CP: variants seen among roughly 807,000 people sequenced by gnomAD.
CP encodes the protein caeruloplasmin.
Under a neutral mutation model 122.4 loss-of-function variants are expected in CP, and 64 were observed. That is an observed-to-expected ratio of 0.52 (90% CI 0.43 to 0.64). CP has a LOEUF of 0.64. Among genes scored for constraint, CP ranks in the 30% least tolerant of loss-of-function variants. The pLI is 0.00. For synonymous variants in CP, 440 were observed against 436.4 expected, an observed-to-expected ratio of 1.01 and a Z score of -0.10; for missense variants, 1,167 against 1,284.4, an observed-to-expected ratio of 0.91 and a Z score of 1.40.
In CP at chr3:149,209,363, T is replaced by G; in HGVS notation, c.629A>C (p.Glu210Ala). 1 of 1,613,630 alleles carries G rather than the reference T, an allele frequency of 6.2e-7. No individual in the cohort carries two copies. The highest frequency in any genetic ancestry group is 8.5e-7 in the Non-Finnish European group (1 of 1,179,692). ...CKKDSLDKEK[E>A]KHIDREFVVM... ...CACAAATTCTCGGTCAATATGTTTT[T>G]CTTTTTCTTTATCTAGAGAATCTGG... The change falls in exon 4 of 19, where the codon GAA (glutamate) becomes GCA (alanine). Residue 210 changes from glutamate (E) to alanine (A), a missense_variant. Glu to Ala is a moderately radical substitution (Grantham distance 107, BLOSUM62 -1). Transcript: ENST00000264613.
rs185229902 is a variant in CP at position 149,210,065 on chromosome 3, C to G, written c.607+102G>C. On this transcript the variant is annotated intron_variant, in intron 3 of 18. Transcript: ENST00000264613. ...TCTACTTACCACCTCTCTACCTTAC[C>G]TGCTCAATCTCAGCACAGAAGACTT... The G allele has an allele frequency of 1.0e-5, 12 of 1,155,520 alleles. No homozygotes were observed. In the African/African-American group the frequency reaches 1.7e-4, roughly 16 times the overall value. The allele number at this position is 1,155,520 out of a possible 1,614,324, so 71.6% of individuals were successfully genotyped here.
At chr3:149,217,820 T>G (rs1004443826) in intron 1 of CP, 1 of 393,282 alleles carries the variant, frequency 2.5e-6, no homozygotes, top group Non-Finnish European at 5.1e-6. Context: ...TGAATACTTA[T>G]TATATCCTGA....
chr3:149,167,264 T>C (rs1297462740), intron 4 of CP: 1 of 1,569,900 alleles, frequency 6.4e-7, no homozygotes, highest in South Asian at 1.1e-5. Context: ...GATTATGTTT[T>C]TAGGCTTGAT....
At chr3:149,197,507 A>C (rs1051274545) in intron 9 of CP, among the ~76,000 whole-genome samples, 1 of 146,414 alleles carries the variant, frequency 6.8e-6, no homozygotes, top group Non-Finnish European at 1.5e-5. Context: ...CATTTGAAGC[A>C]GTCTTGAAAA....
At chr3:149,177,238 C>T (rs943158378) in intron 17 of CP, among the ~76,000 whole-genome samples, 1 of 152,170 alleles carries the variant, frequency 6.6e-6, no homozygotes, top group African/African-American at 2.4e-5. Context: ...TCTCTACTCT[C>T]ATCCATCATT....
At position 149,210,150 on chromosome 3, in the gene CP, A is replaced by G. The variant is rs760344493; in HGVS notation, c.607+17T>C. The G allele has an allele frequency of 8.7e-6, 14 of 1,612,486 alleles. No individual in the cohort carries two copies. Among genetic ancestry groups the G allele is most frequent in the African/African-American group, 1.3e-5 (1 of 74,880 alleles). On this transcript the variant is annotated intron_variant, in intron 3 of 18. Coordinates refer to ENST00000264613, the MANE Select transcript of CP (RefSeq NM_000096.4). Reference sequence around the variant, plus strand: ...GTCTTTTGGTCATATAGCATGTGCAATAAGGAGAAGATGTACCTTTTTTAC... The same window carrying G: ...GTCTTTTGGTCATATAGCATGTGCAGTAAGGAGAAGATGTACCTTTTTTAC...
In CP at chr3:149,221,742, G is replaced by A. The variant is rs1366731155; in HGVS notation, c.51C>T (p.Ala17=). Residue 17 remains alanine (A), a synonymous_variant, in exon 1 of 19, where the codon GCC becomes GCT. Coordinates refer to ENST00000264613, the MANE Select transcript of CP (RefSeq NM_000096.4). ...GIFLFLCSTP[A]WAKEKHYYIG... is the part of the protein sequence containing the mutation. ...TGTAATAATGCTTTTCTTTCGCCCAGGCTGGGGTACTACATAAAAACAGAA... is the reference window on the plus strand; with the variant it reads ...TGTAATAATGCTTTTCTTTCGCCCAAGCTGGGGTACTACATAAAAACAGAA... 6.2e-7 allele frequency: 1 copy of A among 1,613,708 alleles called. No homozygotes were observed. Among genetic ancestry groups the A allele is most frequent in the Non-Finnish European group, 8.5e-7 (1 of 1,179,784 alleles).
chr3:149,220,626 A>G (rs1728748004), intron 1 of CP, among the ~76,000 whole-genome samples: 1 of 152,096 alleles, frequency 6.6e-6, no homozygotes. Context: ...ATTTATTTTT[A>G]TGGTGAAAAA....
At chr3:149,217,454 A>C (rs1388921013) in intron 1 of CP, among the ~76,000 whole-genome samples, 1 of 152,192 alleles carries the variant, frequency 6.6e-6, no homozygotes, top group Non-Finnish European at 1.5e-5. Flanking sequence ...CTGTAACTAG[A>C]GACTTTACCA....
chr3:149,203,339 C>T (rs1158166048), intron 6 of CP, among the ~76,000 whole-genome samples: 1 of 152,178 alleles, frequency 6.6e-6, no homozygotes, highest in East Asian at 1.9e-4. Flanking sequence ...TCTTGGCTCA[C>T]TGCAAACTCT....
At chr3:149,203,222 T>G (rs2108281161) in intron 6 of CP, among the ~76,000 whole-genome samples, 1 of 152,188 alleles carries the variant, frequency 6.6e-6, no homozygotes, top group Non-Finnish European at 1.5e-5. Context: ...GGCTACTCTT[T>G]ATTGTGTATT....
downstream of CP, chr3:149,170,416 A>G (rs1724859042): frequency 1.3e-5 from 2 of 152,240 alleles, no homozygotes; most frequent in Admixed American, 6.5e-5. Flanking sequence ...GCTAGTTAGT[A>G]GTTGCTGTTT....
intron 9 of CP, among the ~76,000 whole-genome samples, chr3:149,191,570 G>T (rs944333212): frequency 2.1e-5 from 3 of 139,808 alleles, no homozygotes; most frequent in Admixed American, 2.0e-4. Context: ...CACAAACAAG[G>T]CTACTGGCTA....
chr3:149,189,904 A>C (rs1217864148), intron 9 of CP, among the ~76,000 whole-genome samples: 1 of 152,208 alleles, frequency 6.6e-6, no homozygotes, highest in East Asian at 1.9e-4. Flanking sequence ...GATCGAAGAG[A>C]AAATAAAAAT....
intron 9 of CP, among the ~76,000 whole-genome samples, chr3:149,190,415 T>C (rs1178976074): frequency 6.6e-6 from 1 of 152,156 alleles, no homozygotes; most frequent in Non-Finnish European, 1.5e-5. Flanking sequence ...CCCAGCACTT[T>C]GGGAGACCGA....
intron 12 of CP, among the ~76,000 whole-genome samples, chr3:149,184,180 G>A (rs896767348): frequency 2.0e-5 from 3 of 151,136 alleles, no homozygotes; most frequent in African/African-American, 7.3e-5. Flanking sequence ...GACTACAAGC[G>A]CCCGCCACCA....
At chr3:149,181,635 C>T (rs1158654135) in intron 14 of CP, among the ~76,000 whole-genome samples, 2 of 152,136 alleles carry the variant, frequency 1.3e-5, no homozygotes, top group Non-Finnish European at 1.5e-5. Context: ...TTCCAAGTGG[C>T]AGCCTCTGGC....
chr3:149,163,916 TA>T, intron 5 of CP: 1 of 1,567,198 alleles, frequency 6.4e-7, no homozygotes, highest in Non-Finnish European at 8.8e-7. Flanking sequence ...CTTTAGCTGA[TA>T]AAAATTATAC....
chr3:149,185,081 G>A (rs1489507411), intron 12 of CP, 158 bp downstream of exon 12: 2 of 694,616 alleles, frequency 2.9e-6, no homozygotes, highest in African/African-American at 3.6e-5. Flanking sequence ...AATGAATAAG[G>A]ACAAGTTCCT....
Sources: gnomAD v4.1 joint callset for allele counts (sites outside exome capture counted in the v4.1 genomes callset) on GRCh38, gnomAD v4.1.1 for gene constraint, MANE v1.5 for transcripts, NCBI Gene and HGNC (gene_info 2026-07-23, HGNC 2026-07-21) for gene names.